The following CHST8 variants were observed in gnomAD, a reference collection of about 807,000 sequenced individuals.
CHST8 encodes the protein GALNAC-4-ST1.
Under a neutral mutation model 15.0 loss-of-function variants are expected in CHST8, and 10 were observed. That is an observed-to-expected ratio of 0.67 (90% confidence interval 0.41 to 1.13). The LOEUF (loss-of-function observed/expected upper bound fraction) is 1.13, where lower values mean the gene tolerates loss of function less well. CHST8 is among the 50% of genes most tolerant of loss of function. The pLI, the probability that CHST8 is intolerant of heterozygous loss-of-function variation, is 0.00. For missense variants in CHST8, 634 were observed against 608.2 expected (o/e 1.04, Z -0.45); for synonymous variants, 259 against 256.6 (o/e 1.01, Z -0.09).
At chr19:33,701,810 G>A (rs994138975) in intron 3 of CHST8, among the ~76,000 whole-genome samples, 4 of 152,202 alleles carry the variant, frequency 2.6e-5, no homozygotes, top group Admixed American at 1.3e-4. Flanking sequence ...CTCGGCAGGC[G>A]TCTTTATCCT....
rs376440399 is a variant in CHST8 at position 33,696,945 on chromosome 19, A to T, written c.130+7554A>T. Among the ~76,000 whole-genome samples, 7 of 151,350 alleles carry T rather than the reference A, an allele frequency of 4.6e-5. No individual in the cohort carries two copies. In the East Asian group the frequency reaches 7.8e-4, roughly 17 times the overall value. ...AACCTCTGCCTCCCGGGTTCAAGCG[A>T]TTCTCCTGCCTCAGCCTCCCAAGTA... On this transcript the variant is annotated intron_variant, in intron 3 of 4. Transcript: ENST00000650847.
intron 3 of CHST8, among the ~76,000 whole-genome samples, chr19:33,737,865 G>A (rs1203947177): frequency 6.6e-6 from 1 of 152,094 alleles, no homozygotes; most frequent in East Asian, 1.9e-4. Context: ...CTGGCCCCCA[G>A]GCTGTGACTC....
At chr19:33,740,152 G>T (rs1330683221) in intron 3 of CHST8, among the ~76,000 whole-genome samples, 1 of 152,194 alleles carries the variant, frequency 6.6e-6, no homozygotes, top group African/African-American at 2.4e-5. Context: ...AGCTGTAGGA[G>T]CCCCAAGTGG....
At chr19:33,622,994 G>A (rs2145427860) in intron 1 of CHST8, among the ~76,000 whole-genome samples, 1 of 152,266 alleles carries the variant, frequency 6.6e-6, no homozygotes, top group South Asian at 2.1e-4. Context: ...TCTGACGGCG[G>A]CTGCAACTCC....
chr19:33,638,441 G>A (rs1652732824), intron 1 of CHST8, among the ~76,000 whole-genome samples: 1 of 152,142 alleles, frequency 6.6e-6, no homozygotes, highest in Non-Finnish European at 1.5e-5. Flanking sequence ...TGAAATCTGT[G>A]TTATGATATC....
At chr19:33,763,801 G>A (rs556052155) in intron 3 of CHST8, among the ~76,000 whole-genome samples, 5 of 152,336 alleles carry the variant, frequency 3.3e-5, no homozygotes, top group African/African-American at 1.2e-4. Context: ...GCAGTCAGAG[G>A]CCCATGGGGA....
intron 3 of CHST8, among the ~76,000 whole-genome samples, chr19:33,734,876 C>A (rs1974055780): frequency 6.6e-6 from 1 of 152,186 alleles, no homozygotes; most frequent in Non-Finnish European, 1.5e-5. Flanking sequence ...ACCAAGTCTC[C>A]TGCACAGCTT....
chr19:33,741,831 C>T (rs992545345), intron 3 of CHST8, among the ~76,000 whole-genome samples: 10 of 152,036 alleles, frequency 6.6e-5, no homozygotes, highest in Non-Finnish European at 8.8e-5. Context: ...CCTATGGTGA[C>T]GGTCCTTATC....
At chr19:33,643,777 A>G (rs1043413099) in intron 1 of CHST8, among the ~76,000 whole-genome samples, 1 of 152,170 alleles carries the variant, frequency 6.6e-6, no homozygotes, top group African/African-American at 2.4e-5. Flanking sequence ...GTGTGATATC[A>G]CATTTTTATT....
chr19:33,726,521 G>C (rs1398007871), intron 3 of CHST8, among the ~76,000 whole-genome samples: 2 of 152,178 alleles, frequency 1.3e-5, no homozygotes, highest in Non-Finnish European at 2.9e-5. Context: ...CTGGGTGACA[G>C]AGCAAGACCC....
intron 3 of CHST8, among the ~76,000 whole-genome samples, chr19:33,757,423 A>C (rs532390016): frequency 8.5e-5 from 1 of 11,712 alleles, no homozygotes; most frequent in African/African-American, 3.3e-4. Flanking sequence ...AGAAAGAAAG[A>C]AAGAAAGAAA....
chr19:33,693,258 G>A (rs962840296), intron 3 of CHST8, among the ~76,000 whole-genome samples: 8 of 151,942 alleles, frequency 5.3e-5, no homozygotes, highest in African/African-American at 1.2e-4. Flanking sequence ...TGCCCACCTC[G>A]GCCTCCCAAA....
At chr19:33,751,590 C>A (rs1475286285) in intron 3 of CHST8, among the ~76,000 whole-genome samples, 1 of 152,156 alleles carries the variant, frequency 6.6e-6, no homozygotes, top group Non-Finnish European at 1.5e-5. Context: ...TTCTGTGAAC[C>A]CCCCAGCCTC....
At chr19:33,721,029 G>C (rs1383300902) in intron 3 of CHST8, among the ~76,000 whole-genome samples, 1 of 152,216 alleles carries the variant, frequency 6.6e-6, no homozygotes, top group Non-Finnish European at 1.5e-5. Flanking sequence ...GGCCATCCCA[G>C]GTTCAGGGCC....
chr19:33,720,817 TC>T (rs564749171), intron 3 of CHST8, among the ~76,000 whole-genome samples: 85 of 152,338 alleles, frequency 5.6e-4, no homozygotes, highest in African/African-American at 1.7e-3. Context: ...CTTGCAGGGG[TC>T]AGCCTAGCCT....
chr19:33,722,999 G>A (rs1973829226), intron 3 of CHST8, among the ~76,000 whole-genome samples: 1 of 152,196 alleles, frequency 6.6e-6, no homozygotes, highest in African/African-American at 2.4e-5. Flanking sequence ...CGGCTCTGCT[G>A]GGAACAAGAA....
chr19:33,682,044 C>T (rs868659162), intron 2 of CHST8, among the ~76,000 whole-genome samples: 14 of 151,644 alleles, frequency 9.2e-5, no homozygotes, highest in East Asian at 1.9e-4. Flanking sequence ...TTAGTAGAGA[C>T]GGGTTTCACT....
At chr19:33,668,820 A>C (rs959716403) in intron 2 of CHST8, among the ~76,000 whole-genome samples, 6 of 152,168 alleles carry the variant, frequency 3.9e-5, no homozygotes, top group African/African-American at 1.4e-4. Context: ...TCGTATTAGG[A>C]TATATGGACT....
intron 1 of CHST8, among the ~76,000 whole-genome samples, chr19:33,624,217 G>T (rs57860434): frequency 7.2e-4 from 110 of 152,322 alleles, no homozygotes; most frequent in African/African-American, 2.5e-3. Context: ...ATTATTTATC[G>T]AGAGGCATCC....
Sources: allele counts gnomAD v4.1 joint callset (sites outside exome capture counted in the v4.1 genomes callset), GRCh38; gene constraint gnomAD v4.1.1; transcripts MANE v1.5; gene names NCBI Gene and HGNC (gene_info 2026-07-23, HGNC 2026-07-21).